DNAH3: variants seen among roughly 807,000 people sequenced by gnomAD.
DNAH3 encodes axonemal beta dynein heavy chain 3.
A neutral mutation model predicts 432.5 loss-of-function variants in DNAH3; 332 were observed. The ratio of observed to expected loss-of-function variants is 0.77; its 90% confidence interval spans 0.70 to 0.84. The LOEUF (loss-of-function observed/expected upper bound fraction) is 0.84, where lower values mean the gene tolerates loss of function less well. Ranked by LOEUF, DNAH3 falls within the 40% of genes least tolerant of loss-of-function variation. DNAH3 has a pLI of 0.00. For synonymous variants in DNAH3, 1,956 were observed against 1,900.2 expected (o/e 1.03, Z -0.76); for missense variants, 4,861 against 5,114.0 (o/e 0.95, Z 1.51).
At chr16:20,989,127 G>T (rs181011361) in intron 44 of DNAH3, among the ~76,000 whole-genome samples, 1 of 152,158 alleles carries the variant, frequency 6.6e-6, no homozygotes, top group Non-Finnish European at 1.5e-5. Context: ...CTGCTGGCTC[G>T]GGCAGCCTGC....
exon 46 of DNAH3, chr16:20,987,800 C>T (rs1171335703): frequency 1.2e-6 from 2 of 1,614,124 alleles, no homozygotes; most frequent in Non-Finnish European, 8.5e-7. Flanking sequence ...AAGTTCTCCA[C>T]TGCATCTCTA....
chr16:21,150,477 G>T, intron 1 of DNAH3: 1 of 355,448 alleles, frequency 2.8e-6, no homozygotes, highest in South Asian at 2.3e-5. Context: ...TGTTCTGAAA[G>T]CTCTGTTCAT....
chr16:21,133,159 C>A (rs1397203871), intron 7 of DNAH3, among the ~76,000 whole-genome samples: 1 of 151,724 alleles, frequency 6.6e-6, no homozygotes, highest in Non-Finnish European at 1.5e-5. Context: ...TGAGACCAGT[C>A]TGGACAACAT....
intron 1 of DNAH3, among the ~76,000 whole-genome samples, chr16:21,152,715 C>T (rs949338068): frequency 6.6e-6 from 1 of 152,252 alleles, no homozygotes. Flanking sequence ...CTGCCGGCCC[C>T]GGGCAATGAG....
intron 12 of DNAH3, among the ~76,000 whole-genome samples, chr16:21,116,090 A>T (rs2092193219): frequency 6.6e-6 from 1 of 151,864 alleles, no homozygotes; most frequent in Non-Finnish European, 1.5e-5. Flanking sequence ...CAGTCCAAAA[A>T]CTCTGGGTTA....
chr16:20,975,100 G>T, intron 51 of DNAH3, 133 bp downstream of exon 51: 1 of 1,056,228 alleles, frequency 9.5e-7, no homozygotes, highest in Non-Finnish European at 1.4e-6. Flanking sequence ...CAAAGTGCTG[G>T]GATTACAGCT....
chr16:21,072,817 T>A (rs200057789), intron 21 of DNAH3, among the ~76,000 whole-genome samples: 4 of 66,674 alleles, frequency 6.0e-5, no homozygotes, highest in African/African-American at 1.8e-4. Context: ...CTCAGCTAAT[T>A]ATTATTATTA....
At chr16:21,106,630 A>G (rs760354510) in exon 15 of DNAH3, 4 of 1,607,174 alleles carry the variant, frequency 2.5e-6, no homozygotes, top group Non-Finnish European at 3.4e-6. Flanking sequence ...GTTGGCAGGA[A>G]CCTCACTGAC....
chr16:21,070,857 A>C, intron 21 of DNAH3, 31 bp from the exon 22 acceptor site: 1 of 1,319,856 alleles, frequency 7.6e-7, no homozygotes, highest in Non-Finnish European at 1.1e-6. Context: ...CCCTGTCAAG[A>C]TTGTGAAACC....
At chr16:21,094,241 G>C (rs2091615988) in intron 18 of DNAH3, among the ~76,000 whole-genome samples, 1 of 152,052 alleles carries the variant, frequency 6.6e-6, no homozygotes, top group Non-Finnish European at 1.5e-5. Flanking sequence ...TAAAAGACTT[G>C]AACAGACACT....
intron 5 of DNAH3, among the ~76,000 whole-genome samples, chr16:21,139,109 C>T (rs111980256): frequency 1.4e-3 from 208 of 152,144 alleles, no homozygotes; most frequent in African/African-American, 4.2e-3. Context: ...TCTTTTAAGA[C>T]GGGTTGGAAA....
At chr16:21,025,858 C>A (rs1230038985) in intron 38 of DNAH3, among the ~76,000 whole-genome samples, 1 of 151,934 alleles carries the variant, frequency 6.6e-6, no homozygotes, top group Non-Finnish European at 1.5e-5. Context: ...CTCAGCCTCC[C>A]AAGTAGCTGG....
intron 31 of DNAH3, among the ~76,000 whole-genome samples, chr16:21,048,693 G>A (rs1472401319): frequency 6.6e-6 from 1 of 151,422 alleles, no homozygotes; most frequent in African/African-American, 2.4e-5. Flanking sequence ...GGCCATCTTG[G>A]CTCCTCCCTC....
At chr16:20,938,925 A>G (rs909227704) in intron 59 of DNAH3, among the ~76,000 whole-genome samples, 5 of 152,036 alleles carry the variant, frequency 3.3e-5, no homozygotes, top group Admixed American at 3.3e-4. Context: ...TACAATGCCC[A>G]GATAATTTTA....
Position 21,127,908 on chromosome 16 carries a change from T to C in DNAH3, c.1083-96A>G, listed in dbSNP as rs1047468924. On this transcript the variant is annotated intron_variant, in intron 7 of 61. Coordinates refer to ENST00000261383, the Ensembl canonical transcript of DNAH3. Reference sequence around the variant, plus strand: ...AAGGGTGTGTGTTCACGTTTCTCAATGAAAGTTAAGCAGAATCAAATGAAT... The same window carrying C: ...AAGGGTGTGTGTTCACGTTTCTCAACGAAAGTTAAGCAGAATCAAATGAAT... The C allele has an allele frequency of 5.6e-6, 8 of 1,440,042 alleles. No individual in the cohort carries two copies. In the South Asian group the frequency reaches 8.4e-5, roughly 15 times the overall value. The allele number at this position is 1,440,042 out of a possible 1,614,324, so 89.2% of individuals were successfully genotyped here.
In DNAH3 at chr16:21,000,529, CAG is replaced by C; in HGVS notation, c.6127-13_6127-12del. On this transcript the variant is annotated splice_polypyrimidine_tract_variant and intron_variant, in intron 42 of 61. Transcript: ENST00000261383. ...GATGAGTTCTGAGACCTGTACCACA[CAG>C]ACATGGGAGAGTCTCGGTTGTGGGC... 1 of 1,584,480 alleles carries C rather than the reference CAG, an allele frequency of 6.3e-7. No homozygotes were observed. Among genetic ancestry groups the C allele is most frequent in the South Asian group, 1.2e-5 (1 of 85,630 alleles).
intron 11 of DNAH3, among the ~76,000 whole-genome samples, chr16:21,117,816 G>C (rs2092242092): frequency 6.6e-6 from 1 of 152,154 alleles, no homozygotes. Context: ...CACTTGGTAA[G>C]TGCTCAAAAA....
intron 60 of DNAH3, among the ~76,000 whole-genome samples, chr16:20,935,739 A>C (rs2083562547): frequency 1.3e-5 from 2 of 152,076 alleles, no homozygotes; most frequent in East Asian, 3.9e-4. Flanking sequence ...GCTGCTTGGG[A>C]AGCTGAGGCA....
chr16:21,097,456 G>C, exon 18 of DNAH3: 1 of 1,613,836 alleles, frequency 6.2e-7, no homozygotes, highest in Non-Finnish European at 8.5e-7. Context: ...AAGAGGGTAA[G>C]TACTCTTCTC....
Sources: allele counts gnomAD v4.1 joint callset (sites outside exome capture counted in the v4.1 genomes callset), GRCh38; gene constraint gnomAD v4.1.1; transcripts MANE v1.5; gene names NCBI Gene and HGNC (gene_info 2026-07-23, HGNC 2026-07-21).